Variants in GALNT6 observed in about 807,000 individuals in gnomAD.
The protein encoded by GALNT6 is polypeptide N-acetylgalactosaminyltransferase 6, also known as GalNAc transferase 6.
A neutral mutation model predicts 65.9 loss-of-function variants in GALNT6; 51 were observed. The ratio of observed to expected loss-of-function variants is 0.77; its 90% CI spans 0.62 to 0.98. GALNT6 has a LOEUF of 0.98. Ranked by LOEUF, GALNT6 falls within the 50% of genes least tolerant of loss-of-function variation. The pLI is 0.00. For synonymous variants in GALNT6, 323 were observed against 315.1 expected (o/e 1.02, Z -0.26); for missense variants, 708 against 803.3 (o/e 0.88, Z 1.43).
intron 2 of GALNT6, among the ~76,000 whole-genome samples, chr12:51,389,498 A>G (rs1273889725): frequency 1.3e-5 from 2 of 152,184 alleles, no homozygotes; most frequent in Non-Finnish European, 2.9e-5. Flanking sequence ...ATGACATCAC[A>G]TTGTCTTGCA....
intron 4 of GALNT6, among the ~76,000 whole-genome samples, chr12:51,368,447 C>A (rs1315670997): frequency 6.7e-6 from 1 of 150,088 alleles, no homozygotes; most frequent in Non-Finnish European, 1.5e-5. Context: ...CTCTGTCGCC[C>A]AGGCTGGAGT....
chr12:51,355,374 T>C (rs1229499841), intron 11 of GALNT6, among the ~76,000 whole-genome samples: 2 of 152,052 alleles, frequency 1.3e-5, no homozygotes, highest in African/African-American at 4.8e-5. Context: ...ACACACACAC[T>C]CACCTACCTT....
chr12:51,365,469 C>T lies in GALNT6; in HGVS notation c.775G>A (p.Val259Met), dbSNP rs1156241780. 14 of 1,611,928 alleles carry T rather than the reference C, an allele frequency of 8.7e-6. No homozygotes were observed. Among genetic ancestry groups the T allele is most frequent in the East Asian group, 2.2e-5 (1 of 44,880 alleles). Residue 259 changes from valine (V) to methionine (M), a missense_variant, in exon 5 of 12, where the codon GTG becomes ATG. By Grantham distance (21) the Val-to-Met change is conservative. Coordinates refer to ENST00000356317, the MANE Select transcript of GALNT6 (RefSeq NM_007210.4). ...LITARLLGAS[V>M]AQAEVLTFLD... ...AACGTGAGCACCTCCGCCTGTGCCA[C>T]GCTGGCCCCCAGCAGCCGGGCGGTG...
Position 51,367,265 on chromosome 12 carries a change from C to A in GALNT6, c.665-1686G>T, listed in dbSNP as rs374195979. 4.6e-5 allele frequency among the ~76,000 whole-genome samples: 7 copies of A among 151,716 alleles called. No individual in the cohort carries two copies. In the East Asian group the frequency reaches 1.4e-3, roughly 29 times the overall value. On this transcript the variant is annotated intron_variant, in intron 4 of 11. Transcript: ENST00000356317. ...AGAGCGAAACTCCGTCTCAAAAAAA[C>A]CAAAAACAAACAAACAAAAATTAGC...
At chr12:51,369,749 C>A (rs555162694) in intron 4 of GALNT6, among the ~76,000 whole-genome samples, 18 of 152,310 alleles carry the variant, frequency 1.2e-4, no homozygotes, top group African/African-American at 4.1e-4. Flanking sequence ...CAGCATCCCT[C>A]CAGCTGCTCT....
Position 51,360,832 on chromosome 12 carries a change from C to G in GALNT6, c.1056G>C (p.Pro352=). Residue 352 remains proline, a synonymous_variant, in exon 7 of 12, where the codon CCG becomes CCC. Coordinates refer to ENST00000356317, the MANE Select transcript of GALNT6 (RefSeq NM_007210.4). ...RKDETYPIKS[P]TFAGGLFSIS... is the part of the protein sequence containing the mutation. The stretch of plus-strand genomic sequence containing the variant: ...TGGAGAAGAGGCCACCAGCAAACGT[C>G]GGGGATCTGGAGAGACAGAGGGAGA... 6.2e-7 allele frequency: 1 copy of G among 1,607,648 alleles called. No homozygotes were observed. Among genetic ancestry groups the G allele is most frequent in the African/African-American group, 1.3e-5 (1 of 74,874 alleles).
intron 4 of GALNT6, among the ~76,000 whole-genome samples, chr12:51,375,363 C>A (rs185678263): frequency 6.6e-6 from 1 of 152,200 alleles, no homozygotes; most frequent in Non-Finnish European, 1.5e-5. Flanking sequence ...GCTTCCACTG[C>A]AGACCAGCCC....
intron 3 of GALNT6, 152 bp from the exon 4 acceptor site, chr12:51,377,519 T>C: frequency 3.0e-6 from 2 of 674,568 alleles, no homozygotes; most frequent in Non-Finnish European, 5.2e-6. Flanking sequence ...CTGTTCCCTG[T>C]TCCTGTCTTC....
intron 2 of GALNT6, among the ~76,000 whole-genome samples, chr12:51,386,707 C>T (rs758371940): frequency 7.9e-5 from 12 of 152,110 alleles, no homozygotes; most frequent in Admixed American, 2.0e-4. Flanking sequence ...TGGAGCTAGA[C>T]ATCATATTGG....
At position 51,391,362 on chromosome 12, in the gene GALNT6, G is replaced by A. The variant is rs1948094696; in HGVS notation, c.-267C>T. The stretch of plus-strand genomic sequence containing the variant: ...GGTGGAGGGGGGTCCTACCGAGGGA[G>A]GAGCTACAGGCCACCGCGACCAGCA... On this transcript the variant is annotated 5_prime_UTR_variant, in exon 1 of 12. Coordinates refer to ENST00000356317, the MANE Select transcript of GALNT6 (RefSeq NM_007210.4). 6.5e-6 allele frequency: 1 copy of A among 153,266 alleles called. No individual in the cohort carries two copies. The highest frequency in any genetic ancestry group is 1.5e-5 in the Non-Finnish European group (1 of 68,596). The allele number at this position is 153,266 out of a possible 1,614,324, so 9.5% of individuals were successfully genotyped here.
intron 2 of GALNT6, among the ~76,000 whole-genome samples, chr12:51,381,172 T>A (rs552498920): frequency 6.6e-6 from 1 of 152,298 alleles, no homozygotes; most frequent in East Asian, 1.9e-4. Flanking sequence ...CCCAGGAGGT[T>A]AAGGCTGCAG....
intron 4 of GALNT6, among the ~76,000 whole-genome samples, chr12:51,372,214 T>C (rs578160424): frequency 4.6e-5 from 7 of 152,098 alleles, no homozygotes; most frequent in Non-Finnish European, 7.4e-5. Context: ...GGTGATTGTT[T>C]TGTTTTTGTT....
intron 11 of GALNT6, among the ~76,000 whole-genome samples, chr12:51,354,898 T>C (rs934285765): frequency 7.2e-5 from 11 of 151,988 alleles, no homozygotes; most frequent in Admixed American, 2.0e-4. Flanking sequence ...TAAGCTGGGG[T>C]GGAGTAGGGA....
intron 11 of GALNT6, 77 bp downstream of exon 11, chr12:51,355,729 A>C (rs1337744850): frequency 1.4e-6 from 2 of 1,421,664 alleles, no homozygotes; most frequent in Admixed American, 1.8e-5. Flanking sequence ...GGCCTCTCAA[A>C]GTGCTGGGAT....
intron 4 of GALNT6, among the ~76,000 whole-genome samples, chr12:51,373,314 C>T (rs936027908): frequency 6.6e-6 from 1 of 152,164 alleles, no homozygotes; most frequent in Non-Finnish European, 1.5e-5. Flanking sequence ...ATGGAAGGGA[C>T]CCAGTGGGAG....
chr12:51,362,331 C>T (rs1367295026), intron 6 of GALNT6, among the ~76,000 whole-genome samples: 2 of 152,318 alleles, frequency 1.3e-5, no homozygotes, highest in East Asian at 3.9e-4. Flanking sequence ...CCCTTTATGT[C>T]CTGGCCTACC....
In GALNT6 at chr12:51,379,304, T is replaced by C; in HGVS notation, c.478A>G (p.Thr160Ala). 6.6e-7 allele frequency: 1 copy of C among 1,522,270 alleles called. No homozygotes were observed. Among genetic ancestry groups the C allele is most frequent in the Non-Finnish European group, 8.8e-7 (1 of 1,138,308 alleles). The allele number at this position is 1,522,270 out of a possible 1,614,324, so 94.3% of individuals were successfully genotyped here. A position where few individuals can be genotyped will look rare whatever the true frequency, so the allele number is the denominator to read the frequency against. Reference sequence around the variant, plus strand: ...GGTGCTACTTACTCAGGTGGTCGGGTGTCTGGCCCCAGGGACCTCTGCAGG... The same window carrying C: ...GGTGCTACTTACTCAGGTGGTCGGGCGTCTGGCCCCAGGGACCTCTGCAGG... ...ISLQRSLGPDTRPPECVDQKF... is the reference protein window; with the variant it reads ...ISLQRSLGPDARPPECVDQKF... The change falls in exon 3 of 12, where the codon ACC becomes GCC. Residue 160 changes from threonine (T) to alanine (A), a missense_variant. Thr to Ala is a moderately conservative substitution (Grantham distance 58, BLOSUM62 0). Transcript: ENST00000356317.
chr12:51,355,811 C>T lies in GALNT6; in HGVS notation c.1750G>A (p.Ala584Thr). 1 of 1,612,816 alleles carries T rather than the reference C, an allele frequency of 6.2e-7. No individual in the cohort carries two copies. The highest frequency in any genetic ancestry group is 8.5e-7 in the Non-Finnish European group (1 of 1,179,494). Residue 584 changes from alanine to threonine, a missense_variant, in exon 11 of 12, where the codon GCC (alanine) becomes ACC (threonine). By Grantham distance (58) the Ala-to-Thr change is moderately conservative. Transcript: ENST00000356317. ...CTTTCTGGACACTGACTCACCTGGG[C>T]CAATTCCCATTCCTCGTCCTTGGGG... ...QVPKDEEWELAQDQLIRNSGS... is the reference protein window; with the variant it reads ...QVPKDEEWELTQDQLIRNSGS...
rs982042707 is a variant in GALNT6, at chr12:51,352,804, T to G, written c.*1575A>C. On this transcript the variant is annotated 3_prime_UTR_variant, in exon 12 of 12. Coordinates refer to ENST00000356317, the MANE Select transcript of GALNT6 (RefSeq NM_007210.4). ...CTCCTGCCTCAGCCTCTTGAGTAGC[T>G]GGGATTACAGGTGTGCGCCACCATG... 2.0e-5 allele frequency: 3 copies of G among 152,274 alleles called. No homozygotes were observed. The highest frequency in any genetic ancestry group is 7.2e-5 in the African/African-American group (3 of 41,456). 9.4% of individuals were successfully genotyped at this position (152,274 alleles called of 1,614,324 possible).
Sources: allele counts gnomAD v4.1 joint callset (sites outside exome capture counted in the v4.1 genomes callset), GRCh38; gene constraint gnomAD v4.1.1; transcripts MANE v1.5; gene names NCBI Gene and HGNC (gene_info 2026-07-23, HGNC 2026-07-21).